The following IL1RAPL2 variants were observed in gnomAD, a reference collection of about 807,000 sequenced individuals.
IL1RAPL2 encodes the protein interleukin 1 receptor accessory protein like 2, also known as X-linked interleukin-1 receptor accessory protein-like 2.
In IL1RAPL2, 3 loss-of-function variants were observed where a neutral mutation model predicts 44.1. The observed-to-expected ratio is 0.07, with a 90% CI of 0.03 to 0.18. The LOEUF (loss-of-function observed/expected upper bound fraction) is 0.18, where lower values mean the gene tolerates loss of function less well. Among genes scored for constraint, IL1RAPL2 ranks in the 10% least tolerant of loss-of-function variants. The pLI is 1.00. For synonymous variants in IL1RAPL2, 181 were observed against 178.8 expected, an observed-to-expected ratio of 1.01 and a Z score of -0.10; for missense variants, 391 against 496.4, an observed-to-expected ratio of 0.79 and a Z score of 2.02.
chrX:105,691,037 C>A (rs1602524605), intron 6 of IL1RAPL2, among the ~76,000 whole-genome samples: 1 of 111,224 alleles, frequency 9.0e-6, no homozygotes, highest in Non-Finnish European at 1.9e-5. Flanking sequence ...CAGATCAGGG[C>A]CCCACCCATA....
At chrX:105,670,021 C>T (rs1198019333) in intron 6 of IL1RAPL2, among the ~76,000 whole-genome samples, 13 of 95,574 alleles carry the variant, frequency 1.4e-4, no homozygotes, top group Non-Finnish European at 2.3e-4. Context: ...CCTGTCTTTC[C>T]TCCATTGAAG....
At chrX:105,048,236 A>G (rs1370983257) in intron 2 of IL1RAPL2, among the ~76,000 whole-genome samples, 1 of 111,923 alleles carries the variant, frequency 8.9e-6, no homozygotes, top group African/African-American at 3.2e-5. Flanking sequence ...ATGACAGGGG[A>G]AGAGTCCACT....
rs1218989263 is a variant in IL1RAPL2, at chrX:104,697,835, C to T, written c.82+38840C>T. 5.3e-5 allele frequency among the ~76,000 whole-genome samples: 6 copies of T among 112,388 alleles called. No homozygotes were observed. In the East Asian group the frequency reaches 1.7e-3, roughly 32 times the overall value. On this transcript the variant is annotated intron_variant, in intron 2 of 10. Transcript: ENST00000372582. ...CTATCTGTGGCTGCATAAGAAATTA[C>T]CCCCAAAATTAGTGTTTTAAACAAT...
intron 4 of IL1RAPL2, among the ~76,000 whole-genome samples, chrX:105,252,864 C>T (rs2147648013): frequency 9.0e-6 from 1 of 111,600 alleles, no homozygotes; most frequent in African/African-American, 3.3e-5. Flanking sequence ...TGACGGTGTG[C>T]AAATATCTTA....
intron 1 of IL1RAPL2, among the ~76,000 whole-genome samples, chrX:104,577,011 C>T: frequency 8.9e-6 from 1 of 112,310 alleles, no homozygotes; most frequent in Non-Finnish European, 1.9e-5. Flanking sequence ...CTGCTCATCT[C>T]AGACTACATT....
intron 2 of IL1RAPL2, among the ~76,000 whole-genome samples, chrX:104,831,562 T>C (rs765471814): frequency 1.8e-5 from 2 of 112,016 alleles, no homozygotes; most frequent in African/African-American, 6.5e-5. Flanking sequence ...GAATCTCCTA[T>C]GAGTTTCAGC....
At chrX:105,651,036 G>A (rs916132384) in intron 6 of IL1RAPL2, among the ~76,000 whole-genome samples, 1 of 111,889 alleles carries the variant, frequency 8.9e-6, no homozygotes, top group African/African-American at 3.2e-5. Context: ...GAACCTAGGC[G>A]GATATATGCT....
chrX:104,866,108 A>C lies in IL1RAPL2; in HGVS notation c.82+207113A>C, dbSNP rs148628002. Among the ~76,000 whole-genome samples the C allele has an allele frequency of 5.4e-5, 6 of 112,012 alleles. No homozygotes were observed. In the East Asian group the frequency reaches 1.7e-3, roughly 32 times the overall value. ...CTATTGAATGGATTAATTAATTAAG[A>C]GATGAGTATTCAAATGCTAGTTATG... is the stretch of plus-strand genomic sequence containing the variant. On this transcript the variant is annotated intron_variant, in intron 2 of 10. Coordinates refer to ENST00000372582, the MANE Select transcript of IL1RAPL2 (RefSeq NM_017416.2).
chrX:104,670,039 T>G (rs1013824715), intron 2 of IL1RAPL2, among the ~76,000 whole-genome samples: 1 of 111,638 alleles, frequency 9.0e-6, no homozygotes, highest in Admixed American at 9.6e-5. Context: ...GGGAAAGAAC[T>G]AATAGGATAG....
intron 2 of IL1RAPL2, among the ~76,000 whole-genome samples, chrX:104,818,079 G>A (rs750782324): frequency 1.2e-3 from 131 of 110,327 alleles, no homozygotes; most frequent in Non-Finnish European, 8.3e-4. Flanking sequence ...AGTTTTGGCC[G>A]TGCGCGGTGG....
chrX:105,589,234 A>AT (rs766546468), intron 6 of IL1RAPL2, among the ~76,000 whole-genome samples: 2 of 109,931 alleles, frequency 1.8e-5, no homozygotes, highest in South Asian at 3.8e-4. Flanking sequence ...TAATGGGGTA[A>AT]TTTTTTTTCT....
intron 6 of IL1RAPL2, among the ~76,000 whole-genome samples, chrX:105,706,084 T>C (rs2038163806): frequency 9.1e-6 from 1 of 110,306 alleles, no homozygotes; most frequent in African/African-American, 3.3e-5. Context: ...AAGACAGAAC[T>C]AGATCCAGAG....
At chrX:105,053,526 A>G (rs1240966681) in intron 2 of IL1RAPL2, among the ~76,000 whole-genome samples, 1 of 111,387 alleles carries the variant, frequency 9.0e-6, no homozygotes, top group Non-Finnish European at 1.9e-5. Flanking sequence ...CCTTATAGCT[A>G]GTAAGTGATT....
chrX:105,669,349 T>G, intron 6 of IL1RAPL2, among the ~76,000 whole-genome samples: 1 of 111,379 alleles, frequency 9.0e-6, no homozygotes, highest in Non-Finnish European at 1.9e-5. Flanking sequence ...CCAAAGGATG[T>G]GAAAGGGGTA....
chrX:105,046,558 C>T (rs73520220), intron 2 of IL1RAPL2, among the ~76,000 whole-genome samples: 9,297 of 111,096 alleles, frequency 0.084, 1,019 homozygotes, highest in African/African-American at 0.29. Flanking sequence ...CTTCTCTCTC[C>T]CATTCCTCTT....
intron 5 of IL1RAPL2, among the ~76,000 whole-genome samples, chrX:105,387,380 G>A (rs1460457898): frequency 3.7e-5 from 4 of 109,129 alleles, no homozygotes; most frequent in African/African-American, 1.3e-4. Context: ...GATTACAGGT[G>A]CACACCACCA....
At chrX:104,575,278 A>G in intron 1 of IL1RAPL2, among the ~76,000 whole-genome samples, 1 of 111,613 alleles carries the variant, frequency 9.0e-6, no homozygotes, top group Middle Eastern at 4.8e-3. Flanking sequence ...ATAAATTGGA[A>G]CAAACAAACA....
intron 5 of IL1RAPL2, among the ~76,000 whole-genome samples, chrX:105,449,600 A>G (rs2036003646): frequency 9.3e-6 from 1 of 107,688 alleles, no homozygotes. Flanking sequence ...AAAAAAAATT[A>G]GCTGGGCGTG....
intron 2 of IL1RAPL2, among the ~76,000 whole-genome samples, chrX:104,944,567 C>T (rs900002453): frequency 8.1e-5 from 9 of 111,584 alleles, no homozygotes; most frequent in East Asian, 5.6e-4. Context: ...ACCTCAGAGT[C>T]TCATTAGTCT....
Sources: allele counts gnomAD v4.1 joint callset (sites outside exome capture counted in the v4.1 genomes callset), GRCh38; gene constraint gnomAD v4.1.1; transcripts MANE v1.5; gene names NCBI Gene and HGNC (gene_info 2026-07-23, HGNC 2026-07-21).